Variants in SPIRE1 observed in about 807,000 individuals in gnomAD.
SPIRE1 encodes protein spire homolog 1.
In SPIRE1, 40 loss-of-function variants were observed where a neutral mutation model predicts 94.1. That is an observed-to-expected ratio of 0.43 (90% CI 0.33 to 0.55). The LOEUF (loss-of-function observed/expected upper bound fraction) is 0.55, where lower values mean the gene tolerates loss of function less well. SPIRE1 is among the 20% of genes least tolerant of loss of function. The pLI is 0.06. For synonymous variants in SPIRE1, 376 were observed against 371.7 expected, an observed-to-expected ratio of 1.01 and a Z score of -0.13; for missense variants, 838 against 975.2, an observed-to-expected ratio of 0.86 and a Z score of 1.87.
chr18:12,652,478 T>C (rs891908338), intron 1 of SPIRE1, among the ~76,000 whole-genome samples: 2 of 152,002 alleles, frequency 1.3e-5, no homozygotes, highest in African/African-American at 4.8e-5. Flanking sequence ...TCTATCCTCC[T>C]GTCATCACAG....
chr18:12,463,167 G>A (rs2031938030), intron 12 of SPIRE1, among the ~76,000 whole-genome samples, 184 bp downstream of exon 12: 1 of 152,316 alleles, frequency 6.6e-6, no homozygotes, highest in African/African-American at 2.4e-5. Flanking sequence ...CTCCCAAAGT[G>A]TTAGGATTAT....
chr18:12,447,124 C>T lies in SPIRE1; in HGVS notation c.*2514G>A, dbSNP rs1399817236. The stretch of plus-strand genomic sequence containing the variant: ...AAGCACAGGTTTCCCAATAGTGTGA[C>T]TTCATGACGTATGGGACAAAAGGAA... On this transcript the variant is annotated 3_prime_UTR_variant, in exon 17 of 17. Coordinates refer to ENST00000409402, the MANE Select transcript of SPIRE1 (RefSeq NM_001128626.2). 1 of 152,162 alleles carries T rather than the reference C, an allele frequency of 6.6e-6. No individual in the cohort carries two copies. The highest frequency in any genetic ancestry group is 2.4e-5 in the African/African-American group (1 of 41,406). The allele number at this position is 152,162 out of a possible 1,614,324, so 9.4% of individuals were successfully genotyped here. A position where few individuals can be genotyped will look rare whatever the true frequency, so the allele number is the denominator to read the frequency against.
chr18:12,461,558 C>CATACATGT (rs1568184217), intron 12 of SPIRE1, among the ~76,000 whole-genome samples: 2 of 147,878 alleles, frequency 1.4e-5, no homozygotes, highest in African/African-American at 5.2e-5. Flanking sequence ...TACATACATG[C>CATACATGT]GTGTATATGT....
At chr18:12,519,582 T>C (rs931946790) in intron 4 of SPIRE1, among the ~76,000 whole-genome samples, 2 of 149,400 alleles carry the variant, frequency 1.3e-5, no homozygotes, top group African/African-American at 4.9e-5. Context: ...CAGACAATAT[T>C]ACAAATTATA....
chr18:12,502,545 G>C (rs1049762250), intron 6 of SPIRE1, among the ~76,000 whole-genome samples: 7 of 152,148 alleles, frequency 4.6e-5, no homozygotes, highest in East Asian at 3.8e-4. Flanking sequence ...TAGTAAAAAT[G>C]TAAATTCGTA....
chr18:12,539,380 C>T (rs1005346953), intron 3 of SPIRE1, among the ~76,000 whole-genome samples: 7 of 152,138 alleles, frequency 4.6e-5, no homozygotes, highest in African/African-American at 1.4e-4. Context: ...TGACTTGCTC[C>T]TCCTTGACTT....
chr18:12,513,489 CTTTA>C (rs10580270), intron 4 of SPIRE1, among the ~76,000 whole-genome samples: 36,345 of 142,520 alleles, frequency 0.26, 4,785 homozygotes, highest in East Asian at 0.29. Context: ...GAATACTTAA[CTTTA>C]TTTATTTATT....
intron 2 of SPIRE1, among the ~76,000 whole-genome samples, chr18:12,631,548 C>CAAAAAAAAA (rs869278182): frequency 1.3e-3 from 82 of 63,752 alleles, no homozygotes; most frequent in Non-Finnish European, 1.6e-3. Context: ...CCCATCTCTA[C>CAAAAAAAAA]AAAAAAAAAA....
At chr18:12,478,506 A>G (rs2032702057) in intron 10 of SPIRE1, among the ~76,000 whole-genome samples, 2 of 131,910 alleles carry the variant, frequency 1.5e-5, no homozygotes, top group Admixed American at 1.5e-4. Context: ...GTATGAAGCT[A>G]GAGTGTGTGT....
intron 12 of SPIRE1, among the ~76,000 whole-genome samples, chr18:12,461,585 A>ATG (rs2031858682): frequency 2.0e-5 from 3 of 148,332 alleles, no homozygotes; most frequent in Non-Finnish European, 2.9e-5. Context: ...ATACATATGT[A>ATG]TATACATACA....
At chr18:12,529,005 A>G (rs2034605377) in intron 4 of SPIRE1, among the ~76,000 whole-genome samples, 1 of 152,244 alleles carries the variant, frequency 6.6e-6, no homozygotes, top group Admixed American at 6.5e-5. Context: ...ATGAATAAGA[A>G]AAGAGACCAA....
chr18:12,563,426 A>G (rs2035742055), intron 2 of SPIRE1, among the ~76,000 whole-genome samples: 1 of 152,072 alleles, frequency 6.6e-6, no homozygotes, highest in African/African-American at 2.4e-5. Flanking sequence ...GCATCAAACA[A>G]TCCTCCTGCT....
Position 12,526,834 on chromosome 18 carries a change from C to T in SPIRE1, c.729+8642G>A, listed in dbSNP as rs543565155. ...AAGCAATTCTCCTGCCTCAGCTTCT[C>T]GAGTAGCTGGGATTACAAGCACATG... On this transcript the variant is annotated intron_variant, in intron 4 of 16. Transcript: ENST00000409402. Among the ~76,000 whole-genome samples the T allele has an allele frequency of 2.4e-3, 371 of 151,970 alleles. 4 individuals are homozygous for T. Among genetic ancestry groups the T allele is most frequent in the South Asian group, 0.014 (69 of 4,798 alleles).
chr18:12,657,620 G>T lies in SPIRE1; in HGVS notation c.247C>A (p.Arg83Ser). Reference sequence around the variant, plus strand: ...CAGACGCGGATCTGCGCGGCCGAGCGCACACGGTGGCGGGGCTGGCGGCGG... The same window carrying T: ...CAGACGCGGATCTGCGCGGCCGAGCTCACACGGTGGCGGGGCTGGCGGCGG... ...ARRRQPRHRV[R>S]SAAQIRVWRD... Residue 83 changes from arginine (R) to serine (S), a missense_variant, in exon 1 of 17, where the codon CGC (arginine) becomes AGC (serine). Coordinates refer to ENST00000409402, the MANE Select transcript of SPIRE1 (RefSeq NM_001128626.2). The T allele has an allele frequency of 1.5e-6, 2 of 1,300,528 alleles. No individual in the cohort carries two copies. Among genetic ancestry groups the T allele is most frequent in the Non-Finnish European group, 1.9e-6 (2 of 1,026,458 alleles). 80.6% of individuals were successfully genotyped at this position (1,300,528 alleles called of 1,614,324 possible). A position where few individuals can be genotyped will look rare whatever the true frequency, so the allele number is the denominator to read the frequency against.
intron 4 of SPIRE1, among the ~76,000 whole-genome samples, chr18:12,530,937 T>C (rs939508779): frequency 6.6e-6 from 1 of 152,200 alleles, no homozygotes; most frequent in African/African-American, 2.4e-5. Flanking sequence ...GTGGAGGCAA[T>C]GATGGCTAGA....
chr18:12,646,427 C>T (rs576882388), intron 1 of SPIRE1, among the ~76,000 whole-genome samples: 71 of 152,198 alleles, frequency 4.7e-4, no homozygotes, highest in African/African-American at 1.5e-3. Flanking sequence ...CTCTTTGTAT[C>T]GTCAACATCT....
At chr18:12,554,351 T>C (rs187417286) in intron 2 of SPIRE1, among the ~76,000 whole-genome samples, 42 of 149,158 alleles carry the variant, frequency 2.8e-4, no homozygotes, top group Middle Eastern at 3.6e-3. Flanking sequence ...GGATTATTAG[T>C]GTCTACTATG....
At chr18:12,583,322 G>A (rs2036305318) in intron 2 of SPIRE1, among the ~76,000 whole-genome samples, 2 of 152,060 alleles carry the variant, frequency 1.3e-5, no homozygotes, top group African/African-American at 2.4e-5. Flanking sequence ...AGAAGAAAAA[G>A]GCCGGGTATG....
At chr18:12,468,838 C>T (rs917730057) in intron 10 of SPIRE1, among the ~76,000 whole-genome samples, 27 of 152,232 alleles carry the variant, frequency 1.8e-4, no homozygotes, top group African/African-American at 5.3e-4. Context: ...GCCAGAGGAT[C>T]GCTTAAGCCA....
Sources: allele counts gnomAD v4.1 joint callset (sites outside exome capture counted in the v4.1 genomes callset), GRCh38; gene constraint gnomAD v4.1.1; transcripts MANE v1.5; gene names NCBI Gene and HGNC (gene_info 2026-07-23, HGNC 2026-07-21).